The following MCF2L2 variants were observed in gnomAD, a reference collection of about 807,000 sequenced individuals.
MCF2L2 encodes the protein MCF.2 cell line derived transforming sequence-like 2, also known as probable guanine nucleotide exchange factor MCF2L2.
MCF2L2 carries 102 observed loss-of-function variants against 150.2 expected under a neutral mutation model. The observed-to-expected ratio is 0.68, with a 90% CI of 0.58 to 0.80. The LOEUF (loss-of-function observed/expected upper bound fraction) is 0.80. Among genes scored for constraint, MCF2L2 ranks in the 30% least tolerant of loss-of-function variants. The probability of loss-of-function intolerance (pLI) is 0.00; values close to 1 mark genes in which losing one functional copy is unlikely to be tolerated. For synonymous variants in MCF2L2, 465 were observed against 491.3 expected (o/e 0.95, Z 0.71); for missense variants, 1,256 against 1,372.8 (o/e 0.91, Z 1.34).
intron 18 of MCF2L2, 54 bp from the exon 19 acceptor site, chr3:183,224,244 G>C: frequency 8.8e-7 from 1 of 1,133,418 alleles, no homozygotes; most frequent in Non-Finnish European, 1.3e-6. Flanking sequence ...TCAGTAAGTG[G>C]ACAGGATGAT....
Position 183,192,885 on chromosome 3 carries a change from T to C in MCF2L2, c.3016+114A>G, listed in dbSNP as rs956323601. 10 of 715,530 alleles carry C rather than the reference T, an allele frequency of 1.4e-5. No individual in the cohort carries two copies. In the Admixed American group the frequency reaches 1.5e-4, roughly 11 times the overall value. 44.3% of individuals were successfully genotyped at this position (715,530 alleles called of 1,614,324 possible). On this transcript the variant is annotated intron_variant, in intron 27 of 29. Transcript: ENST00000328913. Reference sequence around the variant, plus strand: ...TGGTGGTAAAATGCTTTCTTTTTTCTCCCTCATTTAACTAAAGAAGGGCTG... The same window carrying C: ...TGGTGGTAAAATGCTTTCTTTTTTCCCCCTCATTTAACTAAAGAAGGGCTG...
chr3:183,294,567 GTGTA>G (rs1728360960), intron 13 of MCF2L2, among the ~76,000 whole-genome samples: 1 of 147,986 alleles, frequency 6.8e-6, no homozygotes, highest in African/African-American at 2.5e-5. Context: ...GTGTGTGTGT[GTGTA>G]TATATATGTG....
At chr3:183,297,244 G>T in intron 11 of MCF2L2, 77 bp from the exon 12 acceptor site, 3 of 1,269,064 alleles carry the variant, frequency 2.4e-6, no homozygotes, top group Non-Finnish European at 3.4e-6. Flanking sequence ...GCAGGTCTGA[G>T]CTTGTAAGGT....
chr3:183,319,164 C>G (rs1449559584), intron 6 of MCF2L2, among the ~76,000 whole-genome samples: 1 of 152,216 alleles, frequency 6.6e-6, no homozygotes, highest in Non-Finnish European at 1.5e-5. Context: ...TATTCTAAAT[C>G]CTTTGTTGTC....
chr3:183,297,923 C>T (rs570167909), intron 11 of MCF2L2: 9 of 152,162 alleles, frequency 5.9e-5, no homozygotes, highest in African/African-American at 1.7e-4. Flanking sequence ...TTCTTGCATC[C>T]GAATTGGTTA....
At chr3:183,361,319 CTG>C (rs2108566518) in intron 3 of MCF2L2, among the ~76,000 whole-genome samples, 1 of 152,202 alleles carries the variant, frequency 6.6e-6, no homozygotes, top group Admixed American at 6.5e-5. Flanking sequence ...TGCTACTGTA[CTG>C]CTTAGTTACT....
At chr3:183,213,075 A>G (rs1722795047) in intron 22 of MCF2L2, among the ~76,000 whole-genome samples, 1 of 152,056 alleles carries the variant, frequency 6.6e-6, no homozygotes, top group Admixed American at 6.6e-5. Context: ...TGAAATAGAA[A>G]TAAAATCCTG....
intron 5 of MCF2L2, among the ~76,000 whole-genome samples, chr3:183,335,872 C>T (rs1730458888): frequency 6.6e-6 from 1 of 151,920 alleles, no homozygotes; most frequent in Non-Finnish European, 1.5e-5. Context: ...AAAATCAAAA[C>T]AAAACAAAAC....
At chr3:183,258,060 T>A (rs1395798649) in intron 15 of MCF2L2, among the ~76,000 whole-genome samples, 1 of 131,438 alleles carries the variant, frequency 7.6e-6, no homozygotes, top group Non-Finnish European at 1.6e-5. Flanking sequence ...CTCCGCCTCC[T>A]GGGTTCAAGC....
At chr3:183,253,213 G>A (rs977425485) in intron 15 of MCF2L2, 49 of 150,846 alleles carry the variant, frequency 3.2e-4, no homozygotes, top group African/African-American at 1.1e-3. Context: ...GCGCGGCTGG[G>A]AGCCTCGCGC....
At chr3:183,229,419 A>G (rs1467930188) in intron 17 of MCF2L2, among the ~76,000 whole-genome samples, 3 of 152,210 alleles carry the variant, frequency 2.0e-5, no homozygotes, top group Non-Finnish European at 4.4e-5. Context: ...GGAACACTCA[A>G]CTGCATACAA....
At chr3:183,204,042 T>G (rs1322196343) in intron 25 of MCF2L2, among the ~76,000 whole-genome samples, 1 of 152,298 alleles carries the variant, frequency 6.6e-6, no homozygotes, top group East Asian at 1.9e-4. Context: ...TTTCAATCAA[T>G]GGTTCTAGGA....
chr3:183,266,492 T>C (rs1726133729), intron 15 of MCF2L2, among the ~76,000 whole-genome samples: 1 of 152,242 alleles, frequency 6.6e-6, no homozygotes, highest in African/African-American at 2.4e-5. Context: ...TACCTTGCTT[T>C]AAGCCTCCAG....
chr3:183,292,667 G>C (rs569770859), intron 13 of MCF2L2, among the ~76,000 whole-genome samples: 1 of 152,138 alleles, frequency 6.6e-6, no homozygotes, highest in South Asian at 2.1e-4. Flanking sequence ...CATAGTGGGG[G>C]ATTAACATAT....
chr3:183,271,014 C>T (rs907798982), intron 15 of MCF2L2: 8 of 1,331,442 alleles, frequency 6.0e-6, no homozygotes, highest in Admixed American at 2.6e-5. Context: ...TCGTCTATAC[C>T]CTAAGTAAAA....
intron 1 of MCF2L2, among the ~76,000 whole-genome samples, chr3:183,411,502 CA>C (rs1715313831): frequency 6.6e-6 from 1 of 152,122 alleles, no homozygotes; most frequent in Non-Finnish European, 1.5e-5. Flanking sequence ...AATTCCAAAA[CA>C]AGCAGGACCA....
chr3:183,420,098 T>C (rs1050919287), intron 1 of MCF2L2, among the ~76,000 whole-genome samples: 1 of 152,238 alleles, frequency 6.6e-6, no homozygotes, highest in Non-Finnish European at 1.5e-5. Flanking sequence ...CATATCATTA[T>C]CAACATTTTT....
chr3:183,242,092 T>C (rs1051048613), intron 15 of MCF2L2, among the ~76,000 whole-genome samples: 1 of 152,216 alleles, frequency 6.6e-6, no homozygotes, highest in Non-Finnish European at 1.5e-5. Context: ...GCATTCAAGA[T>C]GTCACTTGAG....
intron 1 of MCF2L2, among the ~76,000 whole-genome samples, chr3:183,405,347 G>GT (rs1179467111): frequency 6.6e-6 from 1 of 151,912 alleles, no homozygotes; most frequent in African/African-American, 2.4e-5. Context: ...TCTTAAATTT[G>GT]TTTTTTTAAC....
Sources: allele counts gnomAD v4.1 joint callset (sites outside exome capture counted in the v4.1 genomes callset), GRCh38; gene constraint gnomAD v4.1.1; transcripts MANE v1.5; gene names NCBI Gene and HGNC (gene_info 2026-07-23, HGNC 2026-07-21).